Variants in TINAG observed in about 807,000 individuals in gnomAD.
TINAG encodes the protein tubulointerstitial nephritis antigen.
TINAG carries 83 observed loss-of-function variants against 72.7 expected under a neutral mutation model. That is an observed-to-expected ratio of 1.14 (90% CI 0.96 to 1.37). The LOEUF (loss-of-function observed/expected upper bound fraction) is 1.37. Among genes scored for constraint, TINAG ranks in the 40% most tolerant of loss-of-function variants. The pLI, the probability that TINAG is intolerant of heterozygous loss-of-function variation, is 0.00. For synonymous variants in TINAG, 234 were observed against 189.9 expected, an observed-to-expected ratio of 1.23 and a Z score of -1.91; for missense variants, 685 against 576.6, an observed-to-expected ratio of 1.19 and a Z score of -1.93.
chr6:54,344,374 A>G (rs1383041537), intron 5 of TINAG, among the ~76,000 whole-genome samples: 2 of 151,622 alleles, frequency 1.3e-5, no homozygotes, highest in Admixed American at 1.3e-4. Flanking sequence ...TGCTCCCCAC[A>G]CCCCCTCTCT....
intron 9 of TINAG, among the ~76,000 whole-genome samples, chr6:54,380,038 T>A (rs1185900536): frequency 6.6e-6 from 1 of 152,134 alleles, no homozygotes; most frequent in African/African-American, 2.4e-5. Context: ...TGTTTGGTTT[T>A]CTGTTCTTGT....
At chr6:54,346,446 G>A in intron 5 of TINAG, among the ~76,000 whole-genome samples, 1 of 151,524 alleles carries the variant, frequency 6.6e-6, no homozygotes, top group Non-Finnish European at 1.5e-5. Context: ...AATGATATTA[G>A]TTAACAATAT....
intron 9 of TINAG, among the ~76,000 whole-genome samples, chr6:54,368,778 A>T (rs1353158626): frequency 6.6e-6 from 1 of 151,660 alleles, no homozygotes; most frequent in Non-Finnish European, 1.5e-5. Context: ...CTTAAATTGA[A>T]TTTTTTTAAC....
At chr6:54,327,011 T>A in intron 4 of TINAG, 95 bp downstream of exon 4, 9 of 1,566,988 alleles carry the variant, frequency 5.7e-6, no homozygotes, top group Non-Finnish European at 7.8e-6. Context: ...AAATAATGAG[T>A]TTTGAGCTTT....
chr6:54,322,642 A>T (rs1226587311), intron 3 of TINAG, among the ~76,000 whole-genome samples: 1 of 152,350 alleles, frequency 6.6e-6, no homozygotes, highest in Middle Eastern at 3.4e-3. Flanking sequence ...ATTTCAATGT[A>T]TTCAAAGTTT....
In TINAG at chr6:54,320,593, G is replaced by A. The variant is rs1309084867; in HGVS notation, c.370G>A (p.Gly124Ser). ...PWYPEGCFKD[G>S]QHYEEGSVIK... is the part of the protein sequence containing the mutation. ...TACTTTGACAGGTTGCTTCAAAGAT[G>A]GTCAACATTATGAAGAGGGATCAGT... Residue 124 changes from glycine to serine, a missense_variant, in exon 2 of 11, where the codon GGT becomes AGT. Coordinates refer to ENST00000259782, the MANE Select transcript of TINAG (RefSeq NM_014464.4). 2.1e-5 allele frequency: 33 copies of A among 1,601,680 alleles called. No individual in the cohort carries two copies. In the East Asian group the frequency reaches 7.4e-4, roughly 36 times the overall value.
intron 9 of TINAG, among the ~76,000 whole-genome samples, chr6:54,359,050 T>C (rs188147210): frequency 6.6e-6 from 1 of 152,002 alleles, no homozygotes; most frequent in African/African-American, 2.4e-5. Flanking sequence ...CAAAAGGTTT[T>C]TTTGTTATTC....
chr6:54,323,006 A>G (rs1401999054), intron 3 of TINAG, among the ~76,000 whole-genome samples: 1 of 152,216 alleles, frequency 6.6e-6, no homozygotes, highest in Admixed American at 6.6e-5. Flanking sequence ...CTAAGAATAC[A>G]CACTTAGGAG....
intron 9 of TINAG, among the ~76,000 whole-genome samples, chr6:54,373,633 C>T (rs1443770117): frequency 6.6e-6 from 1 of 152,152 alleles, no homozygotes; most frequent in East Asian, 1.9e-4. Context: ...GGGGTCTTGG[C>T]TACTCAATTC....
intron 1 of TINAG, among the ~76,000 whole-genome samples, chr6:54,318,109 C>T (rs2150933356): frequency 6.6e-6 from 1 of 152,232 alleles, no homozygotes; most frequent in South Asian, 2.1e-4. Flanking sequence ...GAGCTCAGTC[C>T]TGGACCACTT....
At chr6:54,326,731 A>C in intron 3 of TINAG, 71 bp from the exon 4 acceptor site, 1 of 1,090,212 alleles carries the variant, frequency 9.2e-7, no homozygotes, top group Admixed American at 2.9e-5. Context: ...ATAAAGGAAA[A>C]TGTATTTATA....
intron 10 of TINAG, among the ~76,000 whole-genome samples, chr6:54,386,025 G>A (rs1764089973): frequency 6.6e-6 from 1 of 151,326 alleles, no homozygotes; most frequent in Non-Finnish European, 1.5e-5. Context: ...CCGAGTAGCT[G>A]GGAATACAGA....
At chr6:54,389,681 G>C (rs925306582) in intron 10 of TINAG, 110 bp from the exon 11 acceptor site, 34 of 1,310,992 alleles carry the variant, frequency 2.6e-5, no homozygotes, top group Non-Finnish European at 3.3e-5. Flanking sequence ...GATAATTATA[G>C]TCTATGATAA....
intron 4 of TINAG, among the ~76,000 whole-genome samples, chr6:54,342,426 T>A (rs1158863785): frequency 2.0e-5 from 3 of 151,510 alleles, no homozygotes; most frequent in Non-Finnish European, 4.4e-5. Context: ...TAGCGCGATC[T>A]CGGCTCACTG....
At chr6:54,389,100 C>T (rs1472147204) in intron 10 of TINAG, among the ~76,000 whole-genome samples, 1 of 152,104 alleles carries the variant, frequency 6.6e-6, no homozygotes, top group Non-Finnish European at 1.5e-5. Flanking sequence ...GCCTCATAAC[C>T]TACCATTCTG....
At chr6:54,387,464 T>A (rs965042986) in intron 10 of TINAG, among the ~76,000 whole-genome samples, 5 of 151,822 alleles carry the variant, frequency 3.3e-5, no homozygotes, top group Admixed American at 3.3e-4. Flanking sequence ...TATTTTGAGC[T>A]AAAAAAAAGT....
intron 10 of TINAG, among the ~76,000 whole-genome samples, chr6:54,384,527 A>G (rs1020080968): frequency 2.0e-5 from 3 of 152,162 alleles, no homozygotes; most frequent in African/African-American, 7.2e-5. Flanking sequence ...CAACAACAAC[A>G]ATAAAAAAGG....
chr6:54,378,288 T>C (rs1028542701), intron 9 of TINAG, among the ~76,000 whole-genome samples: 3 of 152,210 alleles, frequency 2.0e-5, no homozygotes, highest in African/African-American at 7.2e-5. Context: ...TTGCCATACT[T>C]TCCTTTTCCT....
chr6:54,358,340 C>A lies in TINAG; in HGVS notation c.1250+3704C>A, dbSNP rs74400474. ...GATTGTATATTGTCTGTCTTCTTTA[C>A]TAGAATGACGTTCCATGAGAGCTGG... On this transcript the variant is annotated intron_variant, in intron 9 of 10. Transcript: ENST00000259782. Among the ~76,000 whole-genome samples, 1,342 of 151,860 alleles carry A rather than the reference C, an allele frequency of 8.8e-3. 30 individuals carry two copies. The highest frequency in any genetic ancestry group is 0.053 in the East Asian group (271 of 5,122).
Sources: gnomAD v4.1 joint callset for allele counts (sites outside exome capture counted in the v4.1 genomes callset) on GRCh38, gnomAD v4.1.1 for gene constraint, MANE v1.5 for transcripts, NCBI Gene and HGNC (gene_info 2026-07-23, HGNC 2026-07-21) for gene names.